HTR3B: variants seen among roughly 807,000 people sequenced by gnomAD.
HTR3B encodes 5-hydroxytryptamine receptor 3B.
HTR3B carries 44 observed loss-of-function variants against 42.8 expected under a neutral mutation model. The observed-to-expected ratio is 1.03, with a 90% CI of 0.81 to 1.32. HTR3B has a LOEUF of 1.32. Ranked by LOEUF, HTR3B falls within the 40% of genes most tolerant of loss-of-function variation. The probability of loss-of-function intolerance (pLI) is 0.00; values close to 1 mark genes in which losing one functional copy is unlikely to be tolerated. For missense variants in HTR3B, 527 were observed against 536.5 expected, an observed-to-expected ratio of 0.98 and a Z score of 0.17; for synonymous variants, 203 against 209.0, an observed-to-expected ratio of 0.97 and a Z score of 0.25.
chr11:113,907,129 C>T (rs1432340024), intron 1 of HTR3B, among the ~76,000 whole-genome samples: 2 of 152,190 alleles, frequency 1.3e-5, no homozygotes, highest in African/African-American at 2.4e-5. Flanking sequence ...CCTTTTCAAT[C>T]TCTCTTCACC....
upstream of HTR3B, among the ~76,000 whole-genome samples, chr11:113,902,799 G>T (rs1469468183): frequency 6.6e-6 from 1 of 152,176 alleles, no homozygotes; most frequent in Non-Finnish European, 1.5e-5. Context: ...CAGATATTGT[G>T]CTTGTGTCTC....
At chr11:113,902,328 A>G (rs1008105185), upstream of HTR3B, among the ~76,000 whole-genome samples, 2 of 151,876 alleles carry the variant, frequency 1.3e-5, no homozygotes, top group Middle Eastern at 6.8e-3. Flanking sequence ...ACAGAGTCTC[A>G]TTCTGTCGCC....
rs754226412 is a variant in HTR3B at position 113,948,263 on chromosome 11, C to T, written c.*2126C>T. Among the ~76,000 whole-genome samples the T allele has an allele frequency of 1.3e-5, 2 of 152,244 alleles. No individual in the cohort carries two copies. The highest frequency in any genetic ancestry group is 3.9e-4 in the East Asian group (2 of 5,180). ...TGTCACCTTAGCTTGCCATCCATGTCGATTCTGGCTTTCTCCACTTCCTCC... is the reference window on the plus strand; with the variant it reads ...TGTCACCTTAGCTTGCCATCCATGTTGATTCTGGCTTTCTCCACTTCCTCC... On this transcript the variant is annotated 3_prime_UTR_variant, in exon 9 of 9. Transcript: ENST00000260191.
upstream of HTR3B, among the ~76,000 whole-genome samples, chr11:113,900,421 T>C (rs17116096): frequency 0.037 from 5,590 of 152,292 alleles, 451 homozygotes; most frequent in East Asian, 0.3. Flanking sequence ...AAAAGCTTTC[T>C]CTGGGTGGAT....
At chr11:113,942,025 A>C (rs896452370) in intron 6 of HTR3B, among the ~76,000 whole-genome samples, 6 of 152,164 alleles carry the variant, frequency 3.9e-5, no homozygotes, top group Admixed American at 3.9e-4. Context: ...TGATAGACAC[A>C]CAGGTGCTAA....
In HTR3B at chr11:113,946,119, A is replaced by C. The variant is rs762754478; in HGVS notation, c.1308A>C (p.Ala436=). The C allele has an allele frequency of 6.2e-7, 1 of 1,613,478 alleles. No individual in the cohort carries two copies. Among genetic ancestry groups the C allele is most frequent in the South Asian group, 1.1e-5 (1 of 91,070 alleles). The change falls in exon 9 of 9, where the codon GCA becomes GCC. Residue 436 remains alanine (A), a synonymous_variant. Transcript: ENST00000260191. The part of the protein sequence containing the change: ...IYTITLCSLW[A]LWGGV The stretch of plus-strand genomic sequence containing the variant: ...CCATCACTCTGTGCTCCCTCTGGGC[A>C]CTGTGGGGCGGCGTGTGAAGACTGA...
chr11:113,910,013 T>G (rs528098258), intron 2 of HTR3B, among the ~76,000 whole-genome samples: 75 of 147,182 alleles, frequency 5.1e-4, no homozygotes, highest in African/African-American at 1.4e-3. Flanking sequence ...AAAAAAAACT[T>G]GTGGTCATGG....
intron 8 of HTR3B, among the ~76,000 whole-genome samples, chr11:113,944,996 G>C (rs1194199285): frequency 6.6e-6 from 1 of 152,096 alleles, no homozygotes; most frequent in South Asian, 2.1e-4. Context: ...TTTGAGACAG[G>C]GTTTTGCCAT....
At chr11:113,899,075 C>T in the HTR3B span, among the ~76,000 whole-genome samples, 1 of 152,096 alleles carries the variant, frequency 6.6e-6, no homozygotes, top group Non-Finnish European at 1.5e-5. Context: ...AGCTAGGATG[C>T]ACAATGAGGT....
At chr11:113,939,870 G>T (rs1304197810) in intron 6 of HTR3B, among the ~76,000 whole-genome samples, 2 of 150,536 alleles carry the variant, frequency 1.3e-5, no homozygotes, top group Non-Finnish European at 3.0e-5. Flanking sequence ...AAGGGCTCTG[G>T]AACTCTGTCC....
rs1026125139 is a variant in HTR3B, at chr11:113,932,319, C to G, written c.399C>G (p.Pro133=). ...ACATTGAAAGATACCCTGACCTTCC[C>G]TATGTTTATGTGAACTCATCTGGGA... is the stretch of plus-strand genomic sequence containing the variant. ...FVDIERYPDL[P]YVYVNSSGTI... The change falls in exon 5 of 9, where the codon CCC becomes CCG. Residue 133 remains proline (P), a synonymous_variant. Coordinates refer to ENST00000260191, the MANE Select transcript of HTR3B (RefSeq NM_006028.5). 34 of 1,613,282 alleles carry G rather than the reference C, an allele frequency of 2.1e-5. No individual in the cohort carries two copies. The highest frequency in any genetic ancestry group is 2.7e-5 in the Non-Finnish European group (32 of 1,179,490).
intron 2 of HTR3B, among the ~76,000 whole-genome samples, chr11:113,913,496 C>A (rs1361580670): frequency 6.7e-6 from 1 of 149,062 alleles, no homozygotes; most frequent in East Asian, 2.0e-4. Flanking sequence ...CGGGTGTGAG[C>A]CACCATGCTT....
At chr11:113,931,487 A>G in intron 3 of HTR3B, 59 bp downstream of exon 3, 1 of 1,060,658 alleles carries the variant, frequency 9.4e-7, no homozygotes, top group Non-Finnish European at 1.4e-6. Context: ...CTGCTGCAAA[A>G]TATAGTTATT....
At chr11:113,940,152 G>A (rs779681155) in intron 6 of HTR3B, among the ~76,000 whole-genome samples, 4 of 152,104 alleles carry the variant, frequency 2.6e-5, no homozygotes, top group African/African-American at 4.8e-5. Flanking sequence ...CTCCCAAAGT[G>A]CTAGGATTAC....
chr11:113,934,114 C>A (rs756200911), intron 6 of HTR3B, among the ~76,000 whole-genome samples: 1 of 152,142 alleles, frequency 6.6e-6, no homozygotes, highest in African/African-American at 2.4e-5. Context: ...TCGCTGAGTG[C>A]GGTGGCTCAT....
intron 2 of HTR3B, among the ~76,000 whole-genome samples, chr11:113,927,052 C>T (rs922161737): frequency 6.6e-6 from 1 of 152,124 alleles, no homozygotes; most frequent in African/African-American, 2.4e-5. Flanking sequence ...ATTTGTATAT[C>T]TCCTTAGGAG....
Position 113,943,069 on chromosome 11 carries a change from T to C in HTR3B, c.784T>C (p.Tyr262His), listed in dbSNP as rs201779669. 3 of 1,614,116 alleles carry C rather than the reference T, an allele frequency of 1.9e-6. No homozygotes were observed. Among genetic ancestry groups the C allele is most frequent in the Non-Finnish European group, 2.5e-6 (3 of 1,180,000 alleles). ...FLMLVDLGSF[Y>H]LPPNCRARIV... ...CATGCTGGTGGACCTGGGGAGCTTCTACCTGCCACCCAACTGCCGAGCCAG... is the reference window on the plus strand; with the variant it reads ...CATGCTGGTGGACCTGGGGAGCTTCCACCTGCCACCCAACTGCCGAGCCAG... The change falls in exon 7 of 9, where the codon TAC (tyrosine) becomes CAC (histidine). Residue 262 changes from tyrosine (Y) to histidine (H), a missense_variant. Coordinates refer to ENST00000260191, the MANE Select transcript of HTR3B (RefSeq NM_006028.5).
At chr11:113,904,380 A>C (rs1949718959), upstream of HTR3B, among the ~76,000 whole-genome samples, 1 of 152,220 alleles carries the variant, frequency 6.6e-6, no homozygotes, top group African/African-American at 2.4e-5. Context: ...TTTCCATTGC[A>C]TTGTTTGCAG....
upstream of HTR3B, among the ~76,000 whole-genome samples, chr11:113,899,798 T>C (rs1949686104): frequency 1.3e-5 from 2 of 152,080 alleles, no homozygotes; most frequent in Non-Finnish European, 2.9e-5. Context: ...TACTTGAAAA[T>C]AATGGAGAAA....
Sources: gnomAD v4.1 joint callset for allele counts (sites outside exome capture counted in the v4.1 genomes callset) on GRCh38, gnomAD v4.1.1 for gene constraint, MANE v1.5 for transcripts, NCBI Gene and HGNC (gene_info 2026-07-23, HGNC 2026-07-21) for gene names.